FMN1: variants seen among roughly 807,000 people sequenced by gnomAD.
FMN1 encodes the protein formin 1.
Under a neutral mutation model 132.4 loss-of-function variants are expected in FMN1, and 110 were observed. That is an observed-to-expected ratio of 0.83 (90% confidence interval 0.71 to 0.97). FMN1 has a LOEUF of 0.97. FMN1 is among the 50% of genes least tolerant of loss of function. The pLI is 0.00. For synonymous variants in FMN1, 722 were observed against 651.7 expected (o/e 1.11, Z -1.64); for missense variants, 1,792 against 1,705.3 (o/e 1.05, Z -0.90).
chr15:32,922,091 C>G (rs759526119), intron 10 of FMN1, among the ~76,000 whole-genome samples: 1 of 152,092 alleles, frequency 6.6e-6, no homozygotes, highest in Non-Finnish European at 1.5e-5. Flanking sequence ...ATTTCATAGC[C>G]AATTCTACTA....
intron 17 of FMN1, among the ~76,000 whole-genome samples, chr15:32,812,311 T>C (rs779820220): frequency 1.9e-4 from 29 of 152,202 alleles, no homozygotes; most frequent in Non-Finnish European, 2.6e-4. Context: ...AAGTGACTTA[T>C]AATATTAAGT....
chr15:32,983,146 G>A (rs1367253365), intron 7 of FMN1, among the ~76,000 whole-genome samples: 1 of 151,986 alleles, frequency 6.6e-6, no homozygotes, highest in Non-Finnish European at 1.5e-5. Context: ...ATAAAACTGC[G>A]GAAAGTGCAC....
chr15:33,022,623 A>G (rs910923693), intron 6 of FMN1, among the ~76,000 whole-genome samples: 1 of 152,218 alleles, frequency 6.6e-6, no homozygotes, highest in African/African-American at 2.4e-5. Context: ...ACCAAAGCAG[A>G]ATTACGTATT....
chr15:33,136,108 A>G (rs1450502940), intron 4 of FMN1, among the ~76,000 whole-genome samples: 5 of 152,272 alleles, frequency 3.3e-5, no homozygotes, highest in African/African-American at 1.2e-4. Context: ...ACTTAAGTTC[A>G]GAGCAGATGG....
intron 4 of FMN1, among the ~76,000 whole-genome samples, chr15:33,148,950 A>G (rs1964338020): frequency 6.9e-6 from 1 of 145,382 alleles, no homozygotes; most frequent in Admixed American, 6.7e-5. Context: ...TACTTTAGCT[A>G]TAATTGTACT....
intron 9 of FMN1, among the ~76,000 whole-genome samples, chr15:32,952,706 C>T (rs2061680455): frequency 6.6e-6 from 1 of 152,152 alleles, no homozygotes; most frequent in African/African-American, 2.4e-5. Context: ...TAAAGACCTC[C>T]TTCTCACCTC....
At chr15:33,053,800 T>C (rs546365047) in intron 6 of FMN1, among the ~76,000 whole-genome samples, 1 of 152,340 alleles carries the variant, frequency 6.6e-6, no homozygotes, top group African/African-American at 2.4e-5. Flanking sequence ...CCTGTGGAGC[T>C]GAGGCATGCT....
At chr15:33,149,389 C>T (rs1964357327) in intron 4 of FMN1, among the ~76,000 whole-genome samples, 1 of 152,166 alleles carries the variant, frequency 6.6e-6, no homozygotes, top group African/African-American at 2.4e-5. Flanking sequence ...TATTACAGAG[C>T]ATAAATGCAC....
chr15:33,053,909 T>G (rs1215996448), intron 6 of FMN1, among the ~76,000 whole-genome samples: 2 of 152,218 alleles, frequency 1.3e-5, no homozygotes, highest in Admixed American at 1.3e-4. Context: ...TCCTTTTCTT[T>G]TCTTTCTTTC....
intron 17 of FMN1, among the ~76,000 whole-genome samples, chr15:32,851,274 C>T (rs1238114469): frequency 6.6e-6 from 1 of 152,080 alleles, no homozygotes; most frequent in African/African-American, 2.4e-5. Context: ...GTTTAGGTTC[C>T]AGCCCTCCCT....
intron 9 of FMN1, among the ~76,000 whole-genome samples, chr15:32,935,288 C>T (rs1300768227): frequency 6.6e-6 from 1 of 152,116 alleles, no homozygotes; most frequent in Non-Finnish European, 1.5e-5. Context: ...GAATATATTA[C>T]CCTATATCCT....
intron 9 of FMN1, among the ~76,000 whole-genome samples, chr15:32,961,831 G>C (rs2030591207): frequency 6.6e-6 from 1 of 152,180 alleles, no homozygotes; most frequent in African/African-American, 2.4e-5. Context: ...CAGTCAATGT[G>C]TGGCAGAGGT....
intron 10 of FMN1, among the ~76,000 whole-genome samples, chr15:32,918,062 A>C (rs1178751361): frequency 1.3e-5 from 2 of 152,204 alleles, no homozygotes; most frequent in African/African-American, 4.8e-5. Context: ...CAGTTCTTCA[A>C]AAATAATCAA....
At chr15:33,029,067 G>T (rs1396496141) in intron 6 of FMN1, among the ~76,000 whole-genome samples, 3 of 152,042 alleles carry the variant, frequency 2.0e-5, no homozygotes, top group Non-Finnish European at 4.4e-5. Flanking sequence ...CTGATTTGAA[G>T]AAATACACTT....
At chr15:32,840,403 C>T (rs1183482856) in intron 17 of FMN1, among the ~76,000 whole-genome samples, 1 of 152,158 alleles carries the variant, frequency 6.6e-6, no homozygotes, top group African/African-American at 2.4e-5. Context: ...TTTTTCCCTT[C>T]TCACTACTAG....
chr15:32,994,232 T>TCTCTCTCTCTCTCTCTCTCACA (rs904998781), intron 7 of FMN1, among the ~76,000 whole-genome samples: 10 of 37,264 alleles, frequency 2.7e-4, no homozygotes, highest in East Asian at 2.6e-3. Flanking sequence ...TCTCTCTCTC[T>TCTCTCTCTCTCTCTCTCTCACA]CACACACACA....
intron 5 of FMN1, among the ~76,000 whole-genome samples, chr15:33,077,465 A>C (rs778940738): frequency 2.0e-5 from 3 of 151,552 alleles, no homozygotes; most frequent in Non-Finnish European, 4.4e-5. Context: ...GCTGTACCCA[A>C]TAACTCGTCA....
chr15:33,112,265 GA>G (rs1480450151), intron 4 of FMN1, among the ~76,000 whole-genome samples: 1 of 148,068 alleles, frequency 6.8e-6, no homozygotes, highest in Non-Finnish European at 1.5e-5. Flanking sequence ...TTAGAAGTTT[GA>G]AATAATGTTA....
chr15:33,168,154 A>T (rs980741429), intron 3 of FMN1, among the ~76,000 whole-genome samples: 1 of 152,216 alleles, frequency 6.6e-6, no homozygotes, highest in African/African-American at 2.4e-5. Context: ...AGAGTTATTC[A>T]GTCACAGAAT....
Sources: gnomAD v4.1 joint callset for allele counts (sites outside exome capture counted in the v4.1 genomes callset) on GRCh38, gnomAD v4.1.1 for gene constraint, MANE v1.5 for transcripts, NCBI Gene and HGNC (gene_info 2026-07-23, HGNC 2026-07-21) for gene names.